Variants in ABCA12 observed in about 807,000 individuals in gnomAD.
ABCA12 encodes the protein ATP binding cassette subfamily A member 12.
ABCA12 carries 156 observed loss-of-function variants against 293.5 expected under a neutral mutation model. The ratio of observed to expected loss-of-function variants is 0.53; its 90% CI spans 0.47 to 0.61. The LOEUF (loss-of-function observed/expected upper bound fraction) is 0.61. Among genes scored for constraint, ABCA12 ranks in the 20% least tolerant of loss-of-function variants. The pLI, the probability that ABCA12 is intolerant of heterozygous loss-of-function variation, is 0.00. For synonymous variants in ABCA12, 1,063 were observed against 1,108.0 expected, an observed-to-expected ratio of 0.96 and a Z score of 0.81; for missense variants, 2,797 against 3,090.2, an observed-to-expected ratio of 0.91 and a Z score of 2.25.
At chr2:214,951,429 C>A (rs1021076521) in intron 44 of ABCA12, among the ~76,000 whole-genome samples, 5 of 152,128 alleles carry the variant, frequency 3.3e-5, no homozygotes, top group Admixed American at 3.3e-4. Context: ...ATTAGGAAAA[C>A]TCATCATCTA....
At chr2:214,968,620 G>T in intron 38 of ABCA12, 100 bp downstream of exon 38, 1 of 1,151,570 alleles carries the variant, frequency 8.7e-7, no homozygotes, top group Non-Finnish European at 1.3e-6. Flanking sequence ...ATGCCAAATC[G>T]ATTGTACCCA....
intron 2 of ABCA12, among the ~76,000 whole-genome samples, chr2:215,100,319 C>T (rs539648504): frequency 4.7e-4 from 72 of 152,270 alleles, no homozygotes; most frequent in African/African-American, 1.4e-3. Flanking sequence ...CCTCCAAGAT[C>T]TCGATCATGC....
intron 2 of ABCA12, among the ~76,000 whole-genome samples, chr2:215,106,228 C>T (rs184119997): frequency 2.3e-4 from 35 of 152,092 alleles, no homozygotes; most frequent in African/African-American, 3.6e-4. Flanking sequence ...ACAATTCGGG[C>T]GCTGGAGTCA....
Position 214,991,037 on chromosome 2 carries a change from AG to A in ABCA12, c.3295-7del. ...ACACCCATCATCTTCATGTACTGTAAGAAGAAAAAATGTGAGGCGCTTGTTA... is the reference window on the plus strand; with the variant it reads ...ACACCCATCATCTTCATGTACTGTAAAAGAAAAAATGTGAGGCGCTTGTTA... On this transcript the variant is annotated splice_polypyrimidine_tract_variant and splice_region_variant and intron_variant, in intron 23 of 52. Transcript: ENST00000272895. 6 of 1,613,412 alleles carry A rather than the reference AG, an allele frequency of 3.7e-6. No individual in the cohort carries two copies. The highest frequency in any genetic ancestry group is 5.1e-6 in the Non-Finnish European group (6 of 1,179,602).
intron 29 of ABCA12, 73 bp from the exon 30 acceptor site, chr2:214,982,456 T>C: frequency 8.3e-7 from 1 of 1,204,442 alleles, no homozygotes; most frequent in East Asian, 2.4e-5. Context: ...ACAATAACCC[T>C]AATTGATATG....
chr2:215,108,007 G>A (rs1702497200), intron 2 of ABCA12, among the ~76,000 whole-genome samples: 1 of 152,216 alleles, frequency 6.6e-6, no homozygotes, highest in Admixed American at 6.5e-5. Context: ...AAGGGCATGA[G>A]TGCAGGATTC....
chr2:214,939,164 T>G (rs1286222528), intron 50 of ABCA12, among the ~76,000 whole-genome samples: 1 of 152,208 alleles, frequency 6.6e-6, no homozygotes. Flanking sequence ...GGGGTCCAGT[T>G]TCGGTTTTCT....
chr2:215,081,605 A>T lies in ABCA12; in HGVS notation c.164-17386T>A, dbSNP rs149120755. The stretch of plus-strand genomic sequence containing the variant: ...GTTTCCCCCCTAAATAAAGGTGACC[A>T]AATTATTACACTGCTCCTTGGATTA... On this transcript the variant is annotated intron_variant, in intron 2 of 52. Coordinates refer to ENST00000272895, the MANE Select transcript of ABCA12 (RefSeq NM_173076.3). 5.4e-4 allele frequency among the ~76,000 whole-genome samples: 82 copies of T among 152,276 alleles called. 1 individual carries two copies. The East Asian group carries it at 0.013, about 24-fold the overall frequency.
At chr2:215,048,704 GAAAAAAC>G (rs1559166228) in intron 6 of ABCA12, among the ~76,000 whole-genome samples, 1 of 151,708 alleles carries the variant, frequency 6.6e-6, no homozygotes, top group Non-Finnish European at 1.5e-5. Flanking sequence ...CTGTGTCTCA[GAAAAAAC>G]AAAAAACAAA....
intron 28 of ABCA12, among the ~76,000 whole-genome samples, chr2:214,984,067 A>AAATGATG (rs1330392447): frequency 6.6e-6 from 1 of 150,416 alleles, no homozygotes; most frequent in Non-Finnish European, 1.5e-5. Flanking sequence ...CATAAATGCT[A>AAATGATG]AATGATGATG....
intron 2 of ABCA12, among the ~76,000 whole-genome samples, chr2:215,065,554 A>G (rs1449710821): frequency 1.3e-5 from 2 of 152,008 alleles, no homozygotes; most frequent in East Asian, 3.9e-4. Flanking sequence ...GAAGAAAAGC[A>G]AAGAGGGAAA....
intron 36 of ABCA12, among the ~76,000 whole-genome samples, chr2:214,973,193 T>A (rs16853019): frequency 0.11 from 16,482 of 152,136 alleles, 2,404 homozygotes; most frequent in African/African-American, 0.33. Context: ...ATTGTTAGTA[T>A]CTATTTTGCA....
chr2:215,075,028 G>C (rs1172878052), intron 2 of ABCA12, among the ~76,000 whole-genome samples: 1 of 152,160 alleles, frequency 6.6e-6, no homozygotes, highest in Non-Finnish European at 1.5e-5. Context: ...AATCACACTT[G>C]TCAGGCACTT....
At position 215,052,703 on chromosome 2, in the gene ABCA12, C is replaced by A. The variant is rs1031276036; in HGVS notation, c.410-119G>T. 1.2e-5 allele frequency: 10 copies of A among 832,940 alleles called. No individual in the cohort carries two copies. In the African/African-American group the frequency reaches 1.5e-4, roughly 13 times the overall value. The allele number at this position is 832,940 out of a possible 1,614,324, so 51.6% of individuals were successfully genotyped here. ...ATATACCCTACAGCAAGGATGTGCT[C>A]AAACATGCCTCTTCCATGGAAGTTT... On this transcript the variant is annotated intron_variant, in intron 4 of 52. Coordinates refer to ENST00000272895, the MANE Select transcript of ABCA12 (RefSeq NM_173076.3).
At chr2:215,044,015 T>G (rs958335752) in intron 7 of ABCA12, among the ~76,000 whole-genome samples, 18 of 152,114 alleles carry the variant, frequency 1.2e-4, no homozygotes, top group African/African-American at 4.1e-4. Flanking sequence ...TTATTTTTAT[T>G]GTTGTGTTGT....
At chr2:215,029,436 T>G (rs1272392109) in intron 9 of ABCA12, 1 of 152,276 alleles carries the variant, frequency 6.6e-6, no homozygotes, top group Non-Finnish European at 1.5e-5. Flanking sequence ...AATATTGCCC[T>G]TCCTTCTTTT....
intron 50 of ABCA12, among the ~76,000 whole-genome samples, chr2:214,938,878 T>C (rs139670590): frequency 0.028 from 4,285 of 152,292 alleles, 225 homozygotes; most frequent in African/African-American, 0.097. Flanking sequence ...GATGGATAGA[T>C]TGCAAAAATT....
At chr2:215,122,690 C>T (rs1247718691) in intron 1 of ABCA12, among the ~76,000 whole-genome samples, 1 of 152,228 alleles carries the variant, frequency 6.6e-6, no homozygotes, top group African/African-American at 2.4e-5. Flanking sequence ...AAATAAACAA[C>T]TAAAGTTAAT....
chr2:215,090,067 T>C (rs555939910), intron 2 of ABCA12, among the ~76,000 whole-genome samples: 1 of 152,282 alleles, frequency 6.6e-6, no homozygotes, highest in South Asian at 2.1e-4. Context: ...AAATTCCTTC[T>C]CCTGGCTCAG....
Sources: allele counts gnomAD v4.1 joint callset (sites outside exome capture counted in the v4.1 genomes callset), GRCh38; gene constraint gnomAD v4.1.1; transcripts MANE v1.5; gene names NCBI Gene and HGNC (gene_info 2026-07-23, HGNC 2026-07-21).